The following SYNE1 variants were observed in gnomAD, a reference collection of about 807,000 sequenced individuals.
SYNE1 encodes the protein spectrin repeat containing nuclear envelope protein 1.
In SYNE1, 616 loss-of-function variants were observed where a neutral mutation model predicts 1,111.0. That is an observed-to-expected ratio of 0.55 (90% CI 0.52 to 0.59). SYNE1 has a LOEUF of 0.59. Ranked by LOEUF, SYNE1 falls within the 20% of genes least tolerant of loss-of-function variation. The probability of loss-of-function intolerance (pLI) is 0.00; values close to 1 mark genes in which losing one functional copy is unlikely to be tolerated. For missense variants in SYNE1, 10,006 were observed against 10,417.0 expected (o/e 0.96, Z 1.72); for synonymous variants, 3,855 against 3,825.8 (o/e 1.01, Z -0.28).
In SYNE1 at chr6:152,510,487, C is replaced by G. The variant is rs947690826; in HGVS notation, c.403-116G>C. Reference sequence around the variant, plus strand: ...ATGTTAACACTCTTGACATTCCTGACAAAATGCAAGCTCTTAAAGGGCATG... The same window carrying G: ...ATGTTAACACTCTTGACATTCCTGAGAAAATGCAAGCTCTTAAAGGGCATG... On this transcript the variant is annotated intron_variant, in intron 7 of 145. Transcript: ENST00000367255. The G allele has an allele frequency of 5.7e-6, 7 of 1,222,868 alleles. No homozygotes were observed. In the Admixed American group the frequency reaches 9.9e-5, roughly 17 times the overall value. 75.8% of individuals were successfully genotyped at this position (1,222,868 alleles called of 1,614,324 possible).
In SYNE1 at chr6:152,309,826, T is replaced by A; in HGVS notation, c.17202+9A>T. The A allele has an allele frequency of 4.3e-6, 7 of 1,613,514 alleles. No individual in the cohort carries two copies. The highest frequency in any genetic ancestry group is 5.9e-6 in the Non-Finnish European group (7 of 1,180,014). On this transcript the variant is annotated intron_variant, in intron 90 of 145. Transcript: ENST00000367255. ...AATTGCTCTACTGGTGTGGGTACCC[T>A]GCACCTGCCTGCATGATGTTACACT...
At chr6:152,525,941 A>C in intron 5 of SYNE1, 139 bp downstream of exon 5, 2 of 743,082 alleles carry the variant, frequency 2.7e-6, no homozygotes, top group Non-Finnish European at 2.4e-6. Flanking sequence ...AAGTGCCAGC[A>C]GTGTTTCCAG....
chr6:152,626,553 G>A (rs1477684745), intron 3 of SYNE1, among the ~76,000 whole-genome samples: 1 of 152,114 alleles, frequency 6.6e-6, no homozygotes, highest in Non-Finnish European at 1.5e-5. Flanking sequence ...CCTTGGTGCT[G>A]GTCAGACCCA....
intron 115 of SYNE1, 81 bp downstream of exon 115, chr6:152,230,466 G>A: frequency 2.2e-6 from 3 of 1,375,740 alleles, no homozygotes; most frequent in Non-Finnish European, 3.1e-6. Context: ...TATTTAACTT[G>A]CAACTCTCAA....
In SYNE1 at chr6:152,453,734, G is replaced by A. The variant is rs914254176; in HGVS notation, c.2893-14C>T. 10 of 1,613,960 alleles carry A rather than the reference G, an allele frequency of 6.2e-6. No homozygotes were observed. In the African/African-American group the frequency reaches 9.3e-5, roughly 15 times the overall value. ...ACTGAAAAACTCCTGACATGGAAGG[G>A]GAAAGTGGGTAAGAGTGTTGGACAG... On this transcript the variant is annotated splice_polypyrimidine_tract_variant and intron_variant, in intron 24 of 145. Coordinates refer to ENST00000367255, the MANE Select transcript of SYNE1 (RefSeq NM_182961.4).
chr6:152,192,817 G>T (rs1018034536), intron 127 of SYNE1, among the ~76,000 whole-genome samples: 1 of 151,844 alleles, frequency 6.6e-6, no homozygotes, highest in Non-Finnish European at 1.5e-5. Flanking sequence ...ATCATATAAT[G>T]ACATTCTTTG....
rs768417498 is a variant in SYNE1, at chr6:152,281,849, G to T, written c.18339C>A (p.Pro6113=). The T allele has an allele frequency of 3.7e-6, 6 of 1,614,106 alleles. No homozygotes were observed. The South Asian group carries it at 6.6e-5, about 18-fold the overall frequency. The part of the protein sequence containing the change: ...KATLDTALSP[P]KEPMDMEAQL... ...GGGCCTCCATGTCCATGGGCTCCTT[G>T]GGTGGACTCAGCGCAGTGTCCAGAG... The change falls in exon 97 of 146, where the codon CCC becomes CCA. Residue 6113 remains proline, a synonymous_variant. Transcript: ENST00000367255.
chr6:152,593,539 G>A (rs12527309), intron 3 of SYNE1, among the ~76,000 whole-genome samples: 3,313 of 152,004 alleles, frequency 0.022, 129 homozygotes, highest in African/African-American at 0.076. Context: ...CTGAGATTGT[G>A]CCACTGCACT....
At chr6:152,478,000 CAT>C (rs2098845319) in intron 14 of SYNE1, among the ~76,000 whole-genome samples, 1 of 152,174 alleles carries the variant, frequency 6.6e-6, no homozygotes, top group Non-Finnish European at 1.5e-5. Context: ...CTTCTGGACT[CAT>C]GTGCTCCTCC....
Position 152,326,000 on chromosome 6 carries a change from A to G in SYNE1, c.15396T>C (p.Thr5132=), listed in dbSNP as rs772854089. The change falls in exon 80 of 146, where the codon ACT becomes ACC. Residue 5132 remains threonine, a synonymous_variant. Coordinates refer to ENST00000367255, the MANE Select transcript of SYNE1 (RefSeq NM_182961.4). ...TTTCTTCCGCTTCATGACTAGACGA[A>G]GTCTTCAACAAAGAAAACTCAGACA... The part of the protein sequence containing the change: ...KKLSEFSLLK[T]SSSHEAEEKL... The G allele has an allele frequency of 1.2e-6, 2 of 1,614,200 alleles. No individual in the cohort carries two copies. Among genetic ancestry groups the G allele is most frequent in the East Asian group, 4.5e-5 (2 of 44,872 alleles).
At chr6:152,299,028 G>C (rs1225931174) in intron 93 of SYNE1, among the ~76,000 whole-genome samples, 2 of 152,150 alleles carry the variant, frequency 1.3e-5, no homozygotes. Flanking sequence ...ATCTCACTGA[G>C]TTTTAGGACC....
chr6:152,452,156 A>G (rs1390559106), intron 25 of SYNE1, among the ~76,000 whole-genome samples: 1 of 152,238 alleles, frequency 6.6e-6, no homozygotes, highest in Non-Finnish European at 1.5e-5. Context: ...CATAAGCTTC[A>G]TCATTACCTT....
At chr6:152,253,343 C>A (rs2089861377) in intron 104 of SYNE1, among the ~76,000 whole-genome samples, 1 of 152,128 alleles carries the variant, frequency 6.6e-6, no homozygotes, top group Non-Finnish European at 1.5e-5. Context: ...CTACTAATAA[C>A]AATAACAACA....
chr6:152,624,214 G>A (rs1013665632), intron 3 of SYNE1, among the ~76,000 whole-genome samples: 4 of 152,002 alleles, frequency 2.6e-5, no homozygotes, highest in Admixed American at 6.6e-5. Flanking sequence ...CAACACCTAA[G>A]CATGCACATT....
intron 16 of SYNE1, 30 bp from the exon 17 acceptor site, chr6:152,466,108 C>A (rs2098765184): frequency 7.1e-7 from 1 of 1,405,714 alleles, no homozygotes; most frequent in African/African-American, 1.4e-5. Flanking sequence ...TAGAAGATAG[C>A]AAACATTAGG....
chr6:152,561,708 A>G (rs547918893), intron 3 of SYNE1, among the ~76,000 whole-genome samples: 61 of 152,286 alleles, frequency 4.0e-4, no homozygotes, highest in African/African-American at 1.5e-3. Context: ...TACTGGCATA[A>G]AAAAACAATA....
chr6:152,569,924 T>C (rs1195214985), intron 3 of SYNE1, among the ~76,000 whole-genome samples: 1 of 152,236 alleles, frequency 6.6e-6, no homozygotes, highest in Non-Finnish European at 1.5e-5. Context: ...TTTATTAAAT[T>C]ACAGGTGATC....
At chr6:152,183,403 C>T (rs555154982) in intron 128 of SYNE1, among the ~76,000 whole-genome samples, 58 of 152,150 alleles carry the variant, frequency 3.8e-4, no homozygotes, top group African/African-American at 1.4e-3. Flanking sequence ...GAGTTCAAGA[C>T]CAGCCGGGCC....
intron 137 of SYNE1, chr6:152,147,759 G>A (rs775742562): frequency 7.3e-6 from 3 of 412,940 alleles, no homozygotes; most frequent in African/African-American, 2.0e-5. Flanking sequence ...TTCTCACTGT[G>A]TCCCACACTA....
Sources: allele counts gnomAD v4.1 joint callset (sites outside exome capture counted in the v4.1 genomes callset), GRCh38; gene constraint gnomAD v4.1.1; transcripts MANE v1.5; gene names NCBI Gene and HGNC (gene_info 2026-07-23, HGNC 2026-07-21).